The following UNC13B variants were observed in gnomAD, a reference collection of about 807,000 sequenced individuals.
The protein encoded by UNC13B is unc-13 homolog B.
UNC13B carries 144 observed loss-of-function variants against 211.0 expected under a neutral mutation model. That is an observed-to-expected ratio of 0.68 (90% CI 0.60 to 0.78). The LOEUF (loss-of-function observed/expected upper bound fraction) is 0.78, where lower values mean the gene tolerates loss of function less well. Ranked by LOEUF, UNC13B falls within the 30% of genes least tolerant of loss-of-function variation. The pLI, the probability that UNC13B is intolerant of heterozygous loss-of-function variation, is 0.00. For missense variants in UNC13B, 1,777 were observed against 2,002.0 expected, an observed-to-expected ratio of 0.89 and a Z score of 2.14; for synonymous variants, 709 against 725.8, an observed-to-expected ratio of 0.98 and a Z score of 0.37.
At position 35,300,215 on chromosome 9, in the gene UNC13B, T is replaced by G. The variant is rs946674202; in HGVS notation, c.811T>G (p.Leu271Val). ...TLDRRRKKKS[L>V]YNHFEDSERR... ...AGATAGAAGAAGAAAAAAGAAATCC[T>G]TATACAATCATTTTGAAGACAGTGA... The change falls in exon 9 of 40, where the codon TTA becomes GTA. Residue 271 changes from leucine (L) to valine (V), a missense_variant. Physicochemically the swap from Leu to Val is conservative, Grantham distance 32 (BLOSUM62 1). Coordinates refer to ENST00000635942, the MANE Select transcript of UNC13B (RefSeq NM_001371189.2). 63 of 398,720 alleles carry G rather than the reference T, an allele frequency of 1.6e-4. No individual in the cohort carries two copies. The highest frequency in any genetic ancestry group is 1.3e-4 in the Admixed American group (3 of 22,696). 24.7% of individuals were successfully genotyped at this position (398,720 alleles called of 1,614,324 possible). A position where few individuals can be genotyped will look rare whatever the true frequency, so the allele number is the denominator to read the frequency against.
intron 1 of UNC13B, among the ~76,000 whole-genome samples, chr9:35,187,971 T>G (rs1463358105): frequency 2.0e-5 from 3 of 152,216 alleles, no homozygotes; most frequent in Admixed American, 6.5e-5. Context: ...ATACTCCAAA[T>G]TTTGTTCACA....
At chr9:35,216,891 G>C (rs1249162140) in intron 1 of UNC13B, among the ~76,000 whole-genome samples, 1 of 152,082 alleles carries the variant, frequency 6.6e-6, no homozygotes, top group Non-Finnish European at 1.5e-5. Context: ...GCATTATGCT[G>C]AGTGGAAAAA....
chr9:35,272,709 G>T (rs1020726516), intron 7 of UNC13B, among the ~76,000 whole-genome samples: 1 of 152,144 alleles, frequency 6.6e-6, no homozygotes, highest in Non-Finnish European at 1.5e-5. Flanking sequence ...CACTTTTTTA[G>T]TTTGAATTTG....
chr9:35,403,380 G>A (rs1836458779), intron 38 of UNC13B, 60 bp from the exon 39 acceptor site: 3 of 1,605,056 alleles, frequency 1.9e-6, no homozygotes, highest in South Asian at 2.2e-5. Flanking sequence ...AAGGTCACCT[G>A]GGGTTCAAGA....
intron 24 of UNC13B, among the ~76,000 whole-genome samples, chr9:35,388,269 A>C (rs750804839): frequency 1.6e-4 from 24 of 152,248 alleles, no homozygotes; most frequent in Non-Finnish European, 2.4e-4. Flanking sequence ...TTAGGCAGGC[A>C]TGATGGTGGG....
chr9:35,265,633 T>C (rs535410995), intron 7 of UNC13B, among the ~76,000 whole-genome samples: 1 of 152,302 alleles, frequency 6.6e-6, no homozygotes, highest in South Asian at 2.1e-4. Flanking sequence ...TTAAATTTTT[T>C]TTAATAGTTA....
intron 1 of UNC13B, among the ~76,000 whole-genome samples, chr9:35,191,451 G>A (rs1822655334): frequency 6.6e-6 from 1 of 152,156 alleles, no homozygotes; most frequent in Non-Finnish European, 1.5e-5. Flanking sequence ...TAAAACAAAG[G>A]TGGTAACAGC....
intron 11 of UNC13B, among the ~76,000 whole-genome samples, chr9:35,331,713 T>A (rs1831379138): frequency 6.6e-6 from 1 of 152,224 alleles, no homozygotes; most frequent in Non-Finnish European, 1.5e-5. Flanking sequence ...CACTTTTTCC[T>A]CATTCTTACT....
At chr9:35,388,235 C>G (rs1564189937) in intron 24 of UNC13B, among the ~76,000 whole-genome samples, 1 of 152,104 alleles carries the variant, frequency 6.6e-6, no homozygotes. Context: ...TGGTGAAACC[C>G]TGTCTCTACT....
In UNC13B at chr9:35,403,748, C is replaced by A. The variant is rs52810879; in HGVS notation, c.12738C>A (p.Phe4246Leu). The A allele has an allele frequency of 3.1e-6, 5 of 1,613,850 alleles. No homozygotes were observed. The African/African-American group carries it at 6.7e-5, about 22-fold the overall frequency. ...CATAACTTCTATCTTGTGCTCACAGCCTCCTGGGAAATGAGGAGGGGCCCG... is the reference window on the plus strand; with the variant it reads ...CATAACTTCTATCTTGTGCTCACAGACTCCTGGGAAATGAGGAGGGGCCCG... ...WAPKYNETFHFLLGNEEGPES... is the reference protein window; with the variant it reads ...WAPKYNETFHLLLGNEEGPES... The change falls in exon 40 of 40, where the codon TTC becomes TTA. Residue 4246 changes from phenylalanine (F) to leucine (L), a missense_variant and splice_region_variant. By Grantham distance (22) the Phe-to-Leu change is conservative. Coordinates refer to ENST00000635942, the MANE Select transcript of UNC13B (RefSeq NM_001371189.2).
chr9:35,404,054 A>G lies in UNC13B; in HGVS notation c.*21A>G, dbSNP rs757011138. The G allele has an allele frequency of 1.2e-6, 2 of 1,602,824 alleles. No individual in the cohort carries two copies. The highest frequency in any genetic ancestry group is 8.5e-7 in the Non-Finnish European group (1 of 1,173,924). ...GCTGAACACCTTCGACTCCTGTGCC[A>G]ATCAGGCAGCAGCAATTTCACAAAT... On this transcript the variant is annotated 3_prime_UTR_variant, in exon 40 of 40. Coordinates refer to ENST00000635942, the MANE Select transcript of UNC13B (RefSeq NM_001371189.2).
chr9:35,180,045 A>C (rs1821849657), intron 1 of UNC13B, among the ~76,000 whole-genome samples: 1 of 152,204 alleles, frequency 6.6e-6, no homozygotes, highest in South Asian at 2.1e-4. Flanking sequence ...ATTGTGTATT[A>C]ATGTAAACTC....
Position 35,403,266 on chromosome 9 carries a change from G to T in UNC13B, c.12577+7G>T. 1 of 1,614,026 alleles carries T rather than the reference G, an allele frequency of 6.2e-7. No homozygotes were observed. The highest frequency in any genetic ancestry group is 1.1e-5 in the South Asian group (1 of 91,052). Reference sequence around the variant, plus strand: ...CACAAGGTCACAGTGAAAGGTGAGTGATGGACTTACAGGTCTGCCCTTTCC... The same window carrying T: ...CACAAGGTCACAGTGAAAGGTGAGTTATGGACTTACAGGTCTGCCCTTTCC... On this transcript the variant is annotated splice_region_variant and intron_variant, in intron 38 of 39. Transcript: ENST00000635942.
chr9:35,188,505 C>T (rs540376398), intron 1 of UNC13B, among the ~76,000 whole-genome samples: 30 of 152,222 alleles, frequency 2.0e-4, no homozygotes, highest in Middle Eastern at 3.4e-3. Flanking sequence ...TAAAGAATAT[C>T]GGACATCATT....
chr9:35,246,146 C>G (rs546631768), intron 6 of UNC13B, among the ~76,000 whole-genome samples: 111 of 151,694 alleles, frequency 7.3e-4, no homozygotes, highest in Non-Finnish European at 1.3e-3. Context: ...GCATAAATGT[C>G]TTCTTTTGAG....
At chr9:35,277,339 C>CATA (rs1828235949) in intron 7 of UNC13B, among the ~76,000 whole-genome samples, 1 of 152,188 alleles carries the variant, frequency 6.6e-6, no homozygotes, top group African/African-American at 2.4e-5. Context: ...CTACTAGACT[C>CATA]ATATTCAGGC....
chr9:35,206,885 A>C (rs558362269), intron 1 of UNC13B, among the ~76,000 whole-genome samples: 123 of 152,012 alleles, frequency 8.1e-4, no homozygotes, highest in Non-Finnish European at 1.4e-3. Flanking sequence ...AAAAAAAAAA[A>C]AAAAACACAC....
intron 6 of UNC13B, among the ~76,000 whole-genome samples, chr9:35,251,158 G>T (rs1425566881): frequency 6.6e-6 from 1 of 151,784 alleles, no homozygotes; most frequent in Non-Finnish European, 1.5e-5. Flanking sequence ...TAGAGACAGG[G>T]TTTCACCGTG....
chr9:35,298,611 C>T (rs1484157632), intron 8 of UNC13B, among the ~76,000 whole-genome samples: 1 of 152,174 alleles, frequency 6.6e-6, no homozygotes, highest in African/African-American at 2.4e-5. Flanking sequence ...AGAGCCACTG[C>T]ACCTGGCCTT....
Sources: allele counts gnomAD v4.1 joint callset (sites outside exome capture counted in the v4.1 genomes callset), GRCh38; gene constraint gnomAD v4.1.1; transcripts MANE v1.5; gene names NCBI Gene and HGNC (gene_info 2026-07-23, HGNC 2026-07-21).